Variants in NIN observed in about 807,000 individuals in gnomAD.
The protein encoded by NIN is glycogen synthase kinase 3 beta-interacting protein.
NIN carries 137 observed loss-of-function variants against 257.6 expected under a neutral mutation model. That is an observed-to-expected ratio of 0.53 (90% confidence interval 0.46 to 0.61). The LOEUF is 0.61. Ranked by LOEUF, NIN falls within the 20% of genes least tolerant of loss-of-function variation. The pLI, the probability that NIN is intolerant of heterozygous loss-of-function variation, is 0.00. For missense variants in NIN, 2,439 were observed against 2,501.2 expected (o/e 0.98, Z 0.53); for synonymous variants, 918 against 919.8 (o/e 1.00, Z 0.04).
chr14:50,822,171 C>G, intron 2 of NIN, 94 bp from the exon 3 acceptor site: 2 of 865,456 alleles, frequency 2.3e-6, no homozygotes, highest in Middle Eastern at 2.3e-4. Flanking sequence ...TGTACCCCAC[C>G]AGTCTCTAGG....
chr14:50,735,638 A>C lies in NIN; in HGVS notation c.5776-21T>G, dbSNP rs144375001. ...CTGACCTGTTTAAAAAAAACAAAAT[A>C]TTCCCTTGAAACAGAAACAAAAACA... On this transcript the variant is annotated intron_variant, in intron 27 of 30. Coordinates refer to ENST00000530997, the MANE Select transcript of NIN (RefSeq NM_020921.4). The C allele has an allele frequency of 0.012, 19,377 of 1,598,302 alleles. 165 individuals carry two copies. Among genetic ancestry groups the C allele is most frequent in the Middle Eastern group, 0.021 (128 of 6,018 alleles).
At chr14:50,801,798 C>G (rs1201815582) in intron 4 of NIN, among the ~76,000 whole-genome samples, 1 of 152,232 alleles carries the variant, frequency 6.6e-6, no homozygotes, top group Non-Finnish European at 1.5e-5. Flanking sequence ...AAACAATCAT[C>G]TGTACCAAAA....
chr14:50,737,988 G>A (rs1005672564), intron 27 of NIN, 152 bp downstream of exon 27: 39 of 763,130 alleles, frequency 5.1e-5, no homozygotes, highest in Admixed American at 3.9e-4. Context: ...AAAGAACCAC[G>A]ATGCTATTTT....
rs146320469 is a variant in NIN, at chr14:50,725,742, G to A, written c.6192+211C>T. The stretch of plus-strand genomic sequence containing the variant: ...ACACTTTTAAATTGTGGACAAACAT[G>A]CCTTAAACAGAGCTTTGGAAAAAAT... On this transcript the variant is annotated intron_variant, in intron 30 of 30. Coordinates refer to ENST00000530997, the MANE Select transcript of NIN (RefSeq NM_020921.4). The A allele has an allele frequency of 2.6e-3, 1,939 of 739,264 alleles. 3 individuals are homozygous for A. The highest frequency in any genetic ancestry group is 3.0e-3 in the Non-Finnish European group (1,344 of 451,036). 45.8% of individuals were successfully genotyped at this position (739,264 alleles called of 1,614,324 possible). A position where few individuals can be genotyped will look rare whatever the true frequency, so the allele number is the denominator to read the frequency against.
chr14:50,741,517 T>TCG, intron 25 of NIN, 65 bp downstream of exon 25: 1 of 1,283,646 alleles, frequency 7.8e-7, no homozygotes, highest in Middle Eastern at 1.9e-4. Context: ...AATAACCAAG[T>TCG]TGTCCTAAGA....
At chr14:50,777,869 T>A (rs2042979790) in intron 6 of NIN, among the ~76,000 whole-genome samples, 1 of 152,180 alleles carries the variant, frequency 6.6e-6, no homozygotes, top group South Asian at 2.1e-4. Flanking sequence ...TACTTAAACA[T>A]GAGATAATTA....
intron 12 of NIN, among the ~76,000 whole-genome samples, chr14:50,768,784 T>A (rs28727408): frequency 6.6e-6 from 1 of 152,108 alleles, no homozygotes; most frequent in African/African-American, 2.4e-5. Flanking sequence ...CTGGTAGCCA[T>A]ATGGAGGTGG....
intron 2 of NIN, chr14:50,823,303 A>G (rs763770094): frequency 1.8e-6 from 1 of 566,862 alleles, no homozygotes; most frequent in Non-Finnish European, 3.6e-6. Flanking sequence ...GACCTCAGCC[A>G]TCTGCAACAA....
intron 26 of NIN, 96 bp downstream of exon 26, chr14:50,739,212 A>G: frequency 2.6e-6 from 3 of 1,157,168 alleles, no homozygotes; most frequent in Non-Finnish European, 3.7e-6. Flanking sequence ...ACTCAAATCC[A>G]TACCTTAGAA....
chr14:50,790,929 A>G (rs1050946228), intron 5 of NIN, among the ~76,000 whole-genome samples: 12 of 152,264 alleles, frequency 7.9e-5, no homozygotes, highest in African/African-American at 2.9e-4. Flanking sequence ...CAACAAAGTC[A>G]GCTCTGCCCA....
intron 3 of NIN, among the ~76,000 whole-genome samples, chr14:50,818,704 G>T (rs2045051896): frequency 6.6e-6 from 1 of 152,058 alleles, no homozygotes; most frequent in African/African-American, 2.4e-5. Flanking sequence ...TTCAAATCAG[G>T]GATCCACAAG....
chr14:50,777,686 A>C (rs2141874448), intron 6 of NIN, among the ~76,000 whole-genome samples: 1 of 152,196 alleles, frequency 6.6e-6, no homozygotes, highest in South Asian at 2.1e-4. Flanking sequence ...GAAATTAAAA[A>C]AAAAAAATCA....
chr14:50,792,651 C>A, intron 5 of NIN, 61 bp downstream of exon 5: 1 of 1,585,914 alleles, frequency 6.3e-7, no homozygotes, highest in South Asian at 1.1e-5. Context: ...TGTCTCTGTG[C>A]TGCACTGACG....
At chr14:50,747,715 C>G (rs1443790656) in intron 22 of NIN, among the ~76,000 whole-genome samples, 1 of 140,794 alleles carries the variant, frequency 7.1e-6, no homozygotes, top group Non-Finnish European at 1.5e-5. Context: ...GCCTAGGCAA[C>G]AGAGGGAAGA....
At chr14:50,765,448 C>A (rs1566823166) in intron 14 of NIN, among the ~76,000 whole-genome samples, 1 of 152,158 alleles carries the variant, frequency 6.6e-6, no homozygotes, top group East Asian at 1.9e-4. Context: ...CTGCAAGTAA[C>A]TTCATAATAT....
intron 25 of NIN, among the ~76,000 whole-genome samples, chr14:50,741,178 C>A (rs542489921): frequency 4.6e-5 from 7 of 152,134 alleles, no homozygotes; most frequent in African/African-American, 7.2e-5. Context: ...TTTAAGGTCA[C>A]ACAAATACTT....
chr14:50,813,926 C>G (rs2044757004), intron 3 of NIN, among the ~76,000 whole-genome samples: 1 of 152,084 alleles, frequency 6.6e-6, no homozygotes, highest in South Asian at 2.1e-4. Flanking sequence ...ATGGACTTAT[C>G]AGAAGTCAAT....
chr14:50,815,985 C>A (rs1036244168), intron 3 of NIN, among the ~76,000 whole-genome samples: 1 of 152,080 alleles, frequency 6.6e-6, no homozygotes, highest in African/African-American at 2.4e-5. Flanking sequence ...CAGCCTGGGG[C>A]GACAGGGCGA....
intron 3 of NIN, among the ~76,000 whole-genome samples, chr14:50,810,038 T>C (rs1032070628): frequency 2.0e-5 from 3 of 152,070 alleles, no homozygotes; most frequent in Non-Finnish European, 2.9e-5. Context: ...GAGACCATCC[T>C]GGCTAACACG....
Sources: allele counts gnomAD v4.1 joint callset (sites outside exome capture counted in the v4.1 genomes callset), GRCh38; gene constraint gnomAD v4.1.1; transcripts MANE v1.5; gene names NCBI Gene and HGNC (gene_info 2026-07-23, HGNC 2026-07-21).